QKI: variants seen among roughly 807,000 people sequenced by gnomAD.
QKI encodes the protein QKI, KH domain containing RNA binding, also known as KH domain-containing RNA-binding protein QKI.
In QKI, 10 loss-of-function variants were observed where a neutral mutation model predicts 39.0. The observed-to-expected ratio is 0.26, with a 90% CI of 0.16 to 0.43. The LOEUF is 0.43. Ranked by LOEUF, QKI falls within the 20% of genes least tolerant of loss-of-function variation. The pLI, the probability that QKI is intolerant of heterozygous loss-of-function variation, is 1.00. For missense variants in QKI, 218 were observed against 428.0 expected (o/e 0.51, Z 4.33); for synonymous variants, 204 against 155.4 (o/e 1.31, Z -2.33).
intron 1 of QKI, among the ~76,000 whole-genome samples, chr6:163,427,442 G>C (rs1788501213): frequency 6.6e-6 from 1 of 151,752 alleles, no homozygotes; most frequent in South Asian, 2.1e-4. Flanking sequence ...TATAGCCAGT[G>C]ACCCATTTTT....
chr6:163,429,281 A>G (rs969237916), intron 1 of QKI, among the ~76,000 whole-genome samples: 1 of 152,214 alleles, frequency 6.6e-6, no homozygotes, highest in Non-Finnish European at 1.5e-5. Context: ...ACTAAAATAT[A>G]TCAATTAAAA....
intron 3 of QKI, among the ~76,000 whole-genome samples, chr6:163,519,424 G>A (rs1780018539): frequency 6.6e-6 from 1 of 151,792 alleles, no homozygotes. Flanking sequence ...AAAAAGAGTG[G>A]GTGTGATGAT....
intron 3 of QKI, among the ~76,000 whole-genome samples, chr6:163,507,823 T>C (rs554179383): frequency 1.3e-5 from 2 of 152,254 alleles, no homozygotes; most frequent in African/African-American, 4.8e-5. Context: ...GCTCTGAAAG[T>C]AAATCATACT....
rs78747283 is a variant in QKI at position 163,469,271 on chromosome 6, T to C, written c.286-9509T>C. ...ATGGGGTATGCCAAACAAGGCTCTA[T>C]ATGTGGTCACAGAGTGTAGGGCAGC... On this transcript the variant is annotated intron_variant, in intron 2 of 7. Transcript: ENST00000361752. 5.8e-4 allele frequency among the ~76,000 whole-genome samples: 88 copies of C among 152,258 alleles called. No homozygotes were observed. The East Asian group carries it at 0.015, about 27-fold the overall frequency.
intron 3 of QKI, among the ~76,000 whole-genome samples, chr6:163,506,466 G>T (rs1040724025): frequency 2.6e-5 from 4 of 152,122 alleles, no homozygotes; most frequent in African/African-American, 9.7e-5. Flanking sequence ...AAATGAAGAA[G>T]AATACCCTTT....
chr6:163,561,603 G>A (rs1231754300), intron 4 of QKI, among the ~76,000 whole-genome samples: 3 of 152,064 alleles, frequency 2.0e-5, no homozygotes, highest in Admixed American at 6.6e-5. Context: ...GCAAGACCCT[G>A]TATCTAAAAA....
At chr6:163,437,236 G>A (rs925868935) in intron 1 of QKI, among the ~76,000 whole-genome samples, 1 of 152,124 alleles carries the variant, frequency 6.6e-6, no homozygotes, top group African/African-American at 2.4e-5. Flanking sequence ...CGTGTAACAC[G>A]AAGCTAGAAT....
chr6:163,525,665 A>T (rs916673002), intron 3 of QKI, among the ~76,000 whole-genome samples: 1 of 151,970 alleles, frequency 6.6e-6, no homozygotes, highest in Admixed American at 6.6e-5. Context: ...ACGCCCGGCC[A>T]TCTTGTTTCT....
intron 4 of QKI, among the ~76,000 whole-genome samples, chr6:163,538,028 T>C (rs1338331238): frequency 5.8e-5 from 5 of 85,718 alleles, no homozygotes; most frequent in East Asian, 0.02. Flanking sequence ...CACAGTCATA[T>C]GTACACATCT....
chr6:163,493,139 T>TTC (rs1186821806), intron 3 of QKI, among the ~76,000 whole-genome samples: 1 of 151,586 alleles, frequency 6.6e-6, no homozygotes, highest in East Asian at 1.9e-4. Flanking sequence ...AATACTTTTT[T>TTC]TTTTTTTTTG....
rs890936182 is a variant in QKI, at chr6:163,576,660, A to G, written c.*5950A>G. On this transcript the variant is annotated 3_prime_UTR_variant, in exon 8 of 8. Coordinates refer to ENST00000361752, the MANE Select transcript of QKI (RefSeq NM_006775.3). ...CATGACCGTACATGAAATGCAATAA[A>G]CCAACTGGAAAAAGTGCATGTGCTT... 2.6e-5 allele frequency: 4 copies of G among 152,140 alleles called. No homozygotes were observed. Among genetic ancestry groups the G allele is most frequent in the African/African-American group, 7.2e-5 (3 of 41,416 alleles). The allele number at this position is 152,140 out of a possible 1,614,324, so 9.4% of individuals were successfully genotyped here. A position where few individuals can be genotyped will look rare whatever the true frequency, so the allele number is the denominator to read the frequency against.
intron 2 of QKI, among the ~76,000 whole-genome samples, chr6:163,463,249 T>G (rs1791475722): frequency 6.6e-6 from 1 of 152,186 alleles, no homozygotes; most frequent in South Asian, 2.1e-4. Context: ...TTATACTGTA[T>G]TAAGTGTCTG....
chr6:163,460,551 G>A (rs1183063078), intron 2 of QKI, among the ~76,000 whole-genome samples: 1 of 152,128 alleles, frequency 6.6e-6, no homozygotes, highest in African/African-American at 2.4e-5. Context: ...CATAGCTTCT[G>A]AGTTAGTTAG....
At chr6:163,466,052 G>A (rs1318083440) in intron 2 of QKI, among the ~76,000 whole-genome samples, 1 of 151,126 alleles carries the variant, frequency 6.6e-6, no homozygotes, top group East Asian at 2.0e-4. Context: ...TTGAGCCTGG[G>A]AGAGACGGAG....
At chr6:163,503,295 T>C (rs1340157707) in intron 3 of QKI, among the ~76,000 whole-genome samples, 3 of 152,022 alleles carry the variant, frequency 2.0e-5, no homozygotes, top group Non-Finnish European at 4.4e-5. Context: ...AATTTTTGTA[T>C]ATAGTGAAAG....
At chr6:163,496,899 C>A (rs1778448266) in intron 3 of QKI, among the ~76,000 whole-genome samples, 1 of 152,114 alleles carries the variant, frequency 6.6e-6, no homozygotes, top group South Asian at 2.1e-4. Flanking sequence ...TTGTATTTTT[C>A]ATCTTACCAT....
chr6:163,439,605 C>T (rs1383976879), intron 1 of QKI, among the ~76,000 whole-genome samples: 8 of 150,718 alleles, frequency 5.3e-5, no homozygotes, highest in South Asian at 2.1e-4. Context: ...CCACTTATCT[C>T]GGCCTCCCAA....
At chr6:163,449,252 TTATG>T (rs1310490943) in intron 1 of QKI, among the ~76,000 whole-genome samples, 1 of 152,160 alleles carries the variant, frequency 6.6e-6, no homozygotes, top group East Asian at 1.9e-4. Flanking sequence ...GTATATCAAA[TTATG>T]TATGTGTTTA....
intron 1 of QKI, among the ~76,000 whole-genome samples, chr6:163,426,258 T>C (rs554004046): frequency 3.9e-5 from 6 of 152,100 alleles, no homozygotes; most frequent in South Asian, 4.2e-4. Flanking sequence ...TTTTTTTTTT[T>C]CAAATGACAT....
Sources: allele counts gnomAD v4.1 joint callset (sites outside exome capture counted in the v4.1 genomes callset), GRCh38; gene constraint gnomAD v4.1.1; transcripts MANE v1.5; gene names NCBI Gene and HGNC (gene_info 2026-07-23, HGNC 2026-07-21).